Variants in MAP2K5 observed in about 807,000 individuals in gnomAD.
MAP2K5 encodes the protein mitogen-activated protein kinase kinase 5.
Under a neutral mutation model 83.1 loss-of-function variants are expected in MAP2K5, and 49 were observed. The observed-to-expected ratio is 0.59, with a 90% CI of 0.47 to 0.75. The LOEUF (loss-of-function observed/expected upper bound fraction) is 0.75. Among genes scored for constraint, MAP2K5 ranks in the 30% least tolerant of loss-of-function variants. The pLI is 0.00. For missense variants in MAP2K5, 457 were observed against 557.5 expected, an observed-to-expected ratio of 0.82 and a Z score of 1.82; for synonymous variants, 202 against 191.8, an observed-to-expected ratio of 1.05 and a Z score of -0.44.
intron 16 of MAP2K5, among the ~76,000 whole-genome samples, chr15:67,726,344 G>T (rs1229621240): frequency 6.6e-6 from 1 of 152,138 alleles, no homozygotes; most frequent in East Asian, 1.9e-4. Flanking sequence ...TCATGTCTAA[G>T]CAACAAAATA....
rs1291824435 is a variant in MAP2K5, at chr15:67,749,122, T to G, written c.1134+521T>G. Among the ~76,000 whole-genome samples the G allele has an allele frequency of 6.6e-6, 1 of 152,196 alleles. No homozygotes were observed. The highest frequency in any genetic ancestry group is 2.4e-5 in the African/African-American group (1 of 41,440). On this transcript the variant is annotated intron_variant, in intron 19 of 21. Transcript: ENST00000178640. The surrounding 1 kb of genome is among the most constrained non-coding windows in gnomAD (Gnocchi z 4.6). ...TTTCTCAGAATATGTCCCTAACATC[T>G]TGTGTATTCTAGTAGCTGGAAACCT...
In MAP2K5 at chr15:67,665,173, G is replaced by A. The variant is rs866549131; in HGVS notation, c.847+528G>A. On this transcript the variant is annotated intron_variant, in intron 13 of 21. Transcript: ENST00000178640. The surrounding 1 kb of genome is among the most constrained non-coding windows in gnomAD (Gnocchi z 4.2). ...CTAGGATTCAGGCGGGAGCCACCGC[G>A]CCTGGCCAAAAGTAAAACTTTAAAT... is the stretch of plus-strand genomic sequence containing the variant. 4.6e-5 allele frequency among the ~76,000 whole-genome samples: 7 copies of A among 152,220 alleles called. No individual in the cohort carries two copies. Among genetic ancestry groups the A allele is most frequent in the South Asian group, 4.1e-4 (2 of 4,826 alleles).
At chr15:67,715,365 C>G (rs2088806556) in intron 16 of MAP2K5, among the ~76,000 whole-genome samples, 1 of 152,152 alleles carries the variant, frequency 6.6e-6, no homozygotes, top group Non-Finnish European at 1.5e-5. Context: ...CTCATATTAC[C>G]ATGCCTAAAT....
chr15:67,683,065 C>T (rs1012751792), intron 13 of MAP2K5, among the ~76,000 whole-genome samples: 15 of 151,968 alleles, frequency 9.9e-5, no homozygotes, highest in South Asian at 2.1e-4. Flanking sequence ...CGCTTGAACC[C>T]GGGAGGCGGA....
intron 21 of MAP2K5, among the ~76,000 whole-genome samples, chr15:67,797,179 C>CA (rs1450082358): frequency 3.9e-5 from 6 of 152,228 alleles, no homozygotes; most frequent in Non-Finnish European, 8.8e-5. Flanking sequence ...TACATGTTAT[C>CA]ACAGTCCAGA....
intron 19 of MAP2K5, among the ~76,000 whole-genome samples, chr15:67,763,207 C>T (rs540833623): frequency 2.6e-5 from 4 of 151,958 alleles, no homozygotes; most frequent in Admixed American, 6.6e-5. Context: ...TGTAACACAC[C>T]GAGAAGTAGG....
Position 67,592,960 on chromosome 15 carries a change from C to A in MAP2K5, c.466C>A (p.Leu156Ile). Residue 156 changes from leucine to isoleucine, a missense_variant, in exon 7 of 22, where the codon CTA becomes ATA. By Grantham distance (5) the Leu-to-Ile change is conservative. Around this residue, in one of 3 missense-constraint regions of MAP2K5, gnomAD observed 234 missense variants for 243.6 expected, o/e 0.96. Coordinates refer to ENST00000178640, the MANE Select transcript of MAP2K5 (RefSeq NM_145160.3). ...GTCTTCTGCTGAACTGAAAAAAATA[C>A]TAGCCAATGGCCAGGTAGGTATTAT... ...KKSSAELKKI[L>I]ANGQMNEQDI... 1 of 1,603,928 alleles carries A rather than the reference C, an allele frequency of 6.2e-7. No homozygotes were observed. Among genetic ancestry groups the A allele is most frequent in the Non-Finnish European group, 8.5e-7 (1 of 1,173,506 alleles).
At chr15:67,645,605 G>T (rs1322099622) in intron 9 of MAP2K5, among the ~76,000 whole-genome samples, 5 of 152,134 alleles carry the variant, frequency 3.3e-5, no homozygotes, top group Non-Finnish European at 7.3e-5. Context: ...CCAGGTGGGA[G>T]TGCAGAGGTG....
At chr15:67,696,856 G>A (rs1180160869) in intron 15 of MAP2K5, among the ~76,000 whole-genome samples, 17 of 152,202 alleles carry the variant, frequency 1.1e-4, no homozygotes, top group Admixed American at 9.8e-4. Flanking sequence ...GTGCATGCCT[G>A]TAATCCCAGC....
chr15:67,803,373 G>A (rs901943119), intron 21 of MAP2K5, among the ~76,000 whole-genome samples: 6 of 152,160 alleles, frequency 3.9e-5, no homozygotes, highest in African/African-American at 1.4e-4. Flanking sequence ...AGTGAGTTTT[G>A]TGCTTCCTCC....
intron 17 of MAP2K5, among the ~76,000 whole-genome samples, chr15:67,735,344 G>A (rs967898090): frequency 2.4e-4 from 36 of 152,354 alleles, no homozygotes; most frequent in Middle Eastern, 6.8e-3. Flanking sequence ...TGAGATATCT[G>A]TATTTGGCCA....
Position 67,652,703 on chromosome 15 carries a change from A to G in MAP2K5, c.737-5850A>G, listed in dbSNP as rs2086981507. Reference sequence around the variant, plus strand: ...ATTCAGCAGCATGAAGTACATTAACATGGTTGTGCAACTGTCACCACCATC... The same window carrying G: ...ATTCAGCAGCATGAAGTACATTAACGTGGTTGTGCAACTGTCACCACCATC... On this transcript the variant is annotated intron_variant, in intron 11 of 21. Transcript: ENST00000178640. The surrounding 1 kb of genome is among the most constrained non-coding windows in gnomAD (Gnocchi z 4.2). Among the ~76,000 whole-genome samples, 1 of 152,180 alleles carries G rather than the reference A, an allele frequency of 6.6e-6. No individual in the cohort carries two copies. Among genetic ancestry groups the G allele is most frequent in the Non-Finnish European group, 1.5e-5 (1 of 68,038 alleles).
chr15:67,773,885 G>A (rs2090187854), intron 21 of MAP2K5, among the ~76,000 whole-genome samples: 1 of 152,156 alleles, frequency 6.6e-6, no homozygotes, highest in Non-Finnish European at 1.5e-5. Context: ...TCTAGAGATG[G>A]AGACCCATTT....
chr15:67,760,727 G>A lies in MAP2K5; in HGVS notation c.1135-8875G>A, dbSNP rs1368831968. Among the ~76,000 whole-genome samples, 3 of 152,012 alleles carry A rather than the reference G, an allele frequency of 2.0e-5. No individual in the cohort carries two copies. Among genetic ancestry groups the A allele is most frequent in the African/African-American group, 4.8e-5 (2 of 41,364 alleles). On this transcript the variant is annotated intron_variant, in intron 19 of 21. Transcript: ENST00000178640. The surrounding 1 kb of genome is among the most constrained non-coding windows in gnomAD (Gnocchi z 4.1). Reference sequence around the variant, plus strand: ...TTGGTGGTGGAGGCCTGTGAATAGCGGTCTGTGAATGGGCAGTTGCCTGGT... The same window carrying A: ...TTGGTGGTGGAGGCCTGTGAATAGCAGTCTGTGAATGGGCAGTTGCCTGGT...
rs982690509 is a variant in MAP2K5, at chr15:67,577,269, C to T, written c.253-3485C>T. Among the ~76,000 whole-genome samples, 1 of 152,108 alleles carries T rather than the reference C, an allele frequency of 6.6e-6. No individual in the cohort carries two copies. Among genetic ancestry groups the T allele is most frequent in the African/African-American group, 2.4e-5 (1 of 41,410 alleles). ...ATATATTAGGGTAAATATTTTTATG[C>T]TCATTTGGAGGAAACTGATGTTTAA... On this transcript the variant is annotated intron_variant, in intron 3 of 21. Coordinates refer to ENST00000178640, the MANE Select transcript of MAP2K5 (RefSeq NM_145160.3). The surrounding 1 kb of genome is among the most constrained non-coding windows in gnomAD (Gnocchi z 4.1).
intron 16 of MAP2K5, among the ~76,000 whole-genome samples, chr15:67,716,749 T>C (rs1373263165): frequency 6.6e-6 from 1 of 152,172 alleles, no homozygotes; most frequent in East Asian, 1.9e-4. Context: ...CTCTTTCCTC[T>C]CTTCCAAGCT....
At position 67,629,114 on chromosome 15, in the gene MAP2K5, C is replaced by T. The variant is rs780272723; in HGVS notation, c.546-1774C>T. 162 of 732,366 alleles carry T rather than the reference C, an allele frequency of 2.2e-4. 1 individual carries two copies. Among genetic ancestry groups the T allele is most frequent in the East Asian group, 4.5e-4 (18 of 39,798 alleles). The allele number at this position is 732,366 out of a possible 1,614,324, so 45.4% of individuals were successfully genotyped here. A position where few individuals can be genotyped will look rare whatever the true frequency, so the allele number is the denominator to read the frequency against. On this transcript the variant is annotated intron_variant, in intron 8 of 21. Transcript: ENST00000178640. ...GCGGTTCCAGTAGCAGCAGTAGCTA[C>T]GGCAGTGGCAGAAGATTTTAATTAT...
At chr15:67,618,837 C>T (rs989180126) in intron 8 of MAP2K5, among the ~76,000 whole-genome samples, 5 of 152,176 alleles carry the variant, frequency 3.3e-5, no homozygotes, top group African/African-American at 1.2e-4. Context: ...TAGGATTTTA[C>T]TGCAAAAGCC....
chr15:67,732,911 G>T (rs1439579290), intron 17 of MAP2K5, among the ~76,000 whole-genome samples: 1 of 152,152 alleles, frequency 6.6e-6, no homozygotes, highest in Non-Finnish European at 1.5e-5. Context: ...CGGATGATTA[G>T]TGTGTTTTGT....
Sources: allele counts gnomAD v4.1 joint callset (sites outside exome capture counted in the v4.1 genomes callset), GRCh38; gene constraint gnomAD v4.1.1; regional missense constraint gnomAD v4.1.1; non-coding constraint Gnocchi (gnomAD v3.1); transcripts MANE v1.5; gene names NCBI Gene and HGNC (gene_info 2026-07-23, HGNC 2026-07-21).